Variants in USH2A observed in about 807,000 individuals in gnomAD.
USH2A encodes Usher syndrome 2A (autosomal recessive, mild).
Under a neutral mutation model 538.9 loss-of-function variants are expected in USH2A, and 443 were observed. The observed-to-expected ratio is 0.82, with a 90% CI of 0.76 to 0.89. The LOEUF (loss-of-function observed/expected upper bound fraction) is 0.89. Ranked by LOEUF, USH2A falls within the 40% of genes least tolerant of loss-of-function variation. The pLI is 0.00. For synonymous variants in USH2A, 2,413 were observed against 2,273.5 expected, an observed-to-expected ratio of 1.06 and a Z score of -1.75; for missense variants, 6,633 against 6,324.8, an observed-to-expected ratio of 1.05 and a Z score of -1.65.
chr1:215,972,009 C>G (rs1045051240), intron 35 of USH2A, among the ~76,000 whole-genome samples: 6 of 152,142 alleles, frequency 3.9e-5, no homozygotes, highest in Admixed American at 6.5e-5. Context: ...GTGAAAAGTA[C>G]AAGGGTGTGT....
At chr1:215,641,144 A>AT (rs1656672975) in intron 67 of USH2A, among the ~76,000 whole-genome samples, 2 of 152,156 alleles carry the variant, frequency 1.3e-5, no homozygotes, top group Admixed American at 6.5e-5. Context: ...GTAGATAGCT[A>AT]TTTTTCATAT....
At chr1:215,692,675 T>C (rs774307973) in intron 61 of USH2A, among the ~76,000 whole-genome samples, 3 of 152,106 alleles carry the variant, frequency 2.0e-5, no homozygotes, top group African/African-American at 4.8e-5. Context: ...CAGTACTTCA[T>C]AGAAAATGAA....
At chr1:216,249,975 G>T (rs914675387) in intron 12 of USH2A, among the ~76,000 whole-genome samples, 1 of 151,812 alleles carries the variant, frequency 6.6e-6, no homozygotes, top group Non-Finnish European at 1.5e-5. Context: ...TGGATGACTT[G>T]GTGTCTTGAA....
chr1:215,861,908 C>T (rs1571757489), intron 44 of USH2A, among the ~76,000 whole-genome samples: 1 of 140,290 alleles, frequency 7.1e-6, no homozygotes, highest in Non-Finnish European at 1.5e-5. Flanking sequence ...GGCACGATCT[C>T]GGCTCACTGC....
At chr1:216,398,408 A>G (rs991077822) in intron 3 of USH2A, among the ~76,000 whole-genome samples, 1 of 152,198 alleles carries the variant, frequency 6.6e-6, no homozygotes, top group African/African-American at 2.4e-5. Flanking sequence ...CACAGACAAA[A>G]TAAGCTCCAA....
At chr1:215,779,806 T>C in intron 55 of USH2A, 37 bp downstream of exon 55, 3 of 1,609,050 alleles carry the variant, frequency 1.9e-6, no homozygotes, top group Non-Finnish European at 2.5e-6. Context: ...AATGACAGAC[T>C]CCTCCAGTAG....
At chr1:216,258,301 A>G (rs1291052931) in intron 11 of USH2A, among the ~76,000 whole-genome samples, 1 of 151,900 alleles carries the variant, frequency 6.6e-6, no homozygotes, top group African/African-American at 2.4e-5. Context: ...CCTTTTGTGT[A>G]CTCTTATCAA....
intron 13 of USH2A, among the ~76,000 whole-genome samples, chr1:216,235,625 C>A (rs1259533427): frequency 6.6e-6 from 1 of 152,152 alleles, no homozygotes; most frequent in Non-Finnish European, 1.5e-5. Flanking sequence ...TTATCTCCTG[C>A]AGCGGCTATT....
Position 216,247,360 on chromosome 1 carries a change from G to A in USH2A, c.2168-134C>T. On this transcript the variant is annotated intron_variant, in intron 12 of 71. Coordinates refer to ENST00000307340, the MANE Select transcript of USH2A (RefSeq NM_206933.4). ...GTTTTCTCACAAGCAATGCCATAGG[G>A]GGCCAATCTTACTCTCAAAATTCAA... 4 of 1,054,592 alleles carry A rather than the reference G, an allele frequency of 3.8e-6. No individual in the cohort carries two copies. In the South Asian group the frequency reaches 4.4e-5, roughly 12 times the overall value. The allele number at this position is 1,054,592 out of a possible 1,614,324, so 65.3% of individuals were successfully genotyped here.
chr1:216,061,397 T>C (rs1380420703), intron 30 of USH2A, among the ~76,000 whole-genome samples: 1 of 152,250 alleles, frequency 6.6e-6, no homozygotes, highest in East Asian at 1.9e-4. Flanking sequence ...TTACTTTTAA[T>C]AGCTTATTAT....
intron 58 of USH2A, among the ~76,000 whole-genome samples, chr1:215,751,629 C>G (rs1660625864): frequency 6.6e-6 from 1 of 152,062 alleles, no homozygotes; most frequent in African/African-American, 2.4e-5. Context: ...ATTTAATTTT[C>G]CATAATTTTT....
chr1:216,276,339 C>G (rs1056665346), intron 11 of USH2A, among the ~76,000 whole-genome samples: 1 of 152,072 alleles, frequency 6.6e-6, no homozygotes, highest in Non-Finnish European at 1.5e-5. Flanking sequence ...CTTGTACACC[C>G]CAAAATGCAG....
chr1:216,296,989 TGAGTATACTCTCATCAAATGA>T (rs2037119147), intron 9 of USH2A, among the ~76,000 whole-genome samples: 1 of 151,902 alleles, frequency 6.6e-6, no homozygotes, highest in Non-Finnish European at 1.5e-5. Flanking sequence ...TCTCATTTGA[TGAGTATACTCTCATCAAATGA>T]GAGTATACTC....
intron 32 of USH2A, among the ~76,000 whole-genome samples, chr1:216,043,532 T>G (rs1393314037): frequency 6.6e-6 from 1 of 152,124 alleles, no homozygotes; most frequent in African/African-American, 2.4e-5. Flanking sequence ...ATGTAGGCAC[T>G]TTAAAAATAT....
At chr1:215,854,316 A>T (rs1042019361) in intron 44 of USH2A, among the ~76,000 whole-genome samples, 3 of 152,136 alleles carry the variant, frequency 2.0e-5, no homozygotes, top group Non-Finnish European at 4.4e-5. Context: ...ATTATCTCCC[A>T]CTGGGTCCCT....
intron 11 of USH2A, among the ~76,000 whole-genome samples, chr1:216,265,245 GA>G (rs1457257371): frequency 6.6e-6 from 1 of 151,634 alleles, no homozygotes; most frequent in Non-Finnish European, 1.5e-5. Flanking sequence ...ACAAGTACAC[GA>G]AAAAATGCTC....
At chr1:215,827,343 A>G (rs559607778) in intron 47 of USH2A, among the ~76,000 whole-genome samples, 1 of 152,294 alleles carries the variant, frequency 6.6e-6, no homozygotes, top group East Asian at 1.9e-4. Context: ...GATTTTGCTG[A>G]AAGGCACTCA....
rs533819502 is a variant in USH2A at position 216,053,660 on chromosome 1, G to C, written c.6050-5013C>G. ...AGTAAGCATTATTGATGTCTTAAAA[G>C]TGTTAGTATCCCATGAAACACAGGA... On this transcript the variant is annotated intron_variant, in intron 30 of 71. Coordinates refer to ENST00000307340, the MANE Select transcript of USH2A (RefSeq NM_206933.4). 3.3e-5 allele frequency among the ~76,000 whole-genome samples: 5 copies of C among 152,190 alleles called. No homozygotes were observed. The South Asian group carries it at 1.0e-3, about 32-fold the overall frequency.
In USH2A at chr1:215,993,509, A is replaced by AACACACACACACACACACAC. The variant is rs66804361; in HGVS notation, c.6658-362_6658-343dup. Reference sequence around the variant, plus strand: ...GCACAAAGGTTCCCAGAGTGAATTAAACACACACACACACACACACACACA... The same window carrying AACACACACACACACACACAC: ...GCACAAAGGTTCCCAGAGTGAATTAAACACACACACACACACACACACACACACACACACACACACACACA... On this transcript the variant is annotated intron_variant, in intron 34 of 71. Coordinates refer to ENST00000307340, the MANE Select transcript of USH2A (RefSeq NM_206933.4). Among the ~76,000 whole-genome samples, 510 of 146,432 alleles carry AACACACACACACACACACAC rather than the reference A, an allele frequency of 3.5e-3. 5 individuals are homozygous for AACACACACACACACACACAC. The highest frequency in any genetic ancestry group is 0.01 in the African/African-American group (412 of 39,294).
Sources: allele counts gnomAD v4.1 joint callset (sites outside exome capture counted in the v4.1 genomes callset), GRCh38; gene constraint gnomAD v4.1.1; transcripts MANE v1.5; gene names NCBI Gene and HGNC (gene_info 2026-07-23, HGNC 2026-07-21).